Variants in TBC1D9 observed in about 807,000 individuals in gnomAD.
TBC1D9 encodes the protein TBC1 domain family member 9.
A neutral mutation model predicts 132.0 loss-of-function variants in TBC1D9; 63 were observed. The observed-to-expected ratio is 0.48, with a 90% CI of 0.39 to 0.59. The LOEUF (loss-of-function observed/expected upper bound fraction) is 0.59. TBC1D9 is among the 20% of genes least tolerant of loss of function. The pLI is 0.00. For missense variants in TBC1D9, 1,261 were observed against 1,592.7 expected (o/e 0.79, Z 3.54); for synonymous variants, 610 against 609.9 (o/e 1.00, Z 0.00).
At chr4:140,641,068 A>G (rs1189182942) in intron 13 of TBC1D9, among the ~76,000 whole-genome samples, 1 of 142,022 alleles carries the variant, frequency 7.0e-6, no homozygotes, top group African/African-American at 2.7e-5. Context: ...ATATATTTAA[A>G]TCTTACAATC....
intron 2 of TBC1D9, among the ~76,000 whole-genome samples, chr4:140,700,365 G>A (rs949271367): frequency 1.3e-5 from 2 of 151,276 alleles, no homozygotes; most frequent in Admixed American, 1.3e-4. Flanking sequence ...CAGGAGAATC[G>A]CTTGAACCTG....
intron 16 of TBC1D9, among the ~76,000 whole-genome samples, chr4:140,631,572 T>C (rs1239304911): frequency 6.7e-6 from 1 of 149,236 alleles, no homozygotes; most frequent in Non-Finnish European, 1.5e-5. Context: ...TACTGATACA[T>C]GTTTTTCAGA....
chr4:140,644,677 A>T, intron 13 of TBC1D9: 1 of 420,724 alleles, frequency 2.4e-6, no homozygotes, highest in Non-Finnish European at 4.6e-6. Flanking sequence ...CCGCTGCTGC[A>T]GGTACAGGAA....
At chr4:140,746,660 G>A (rs1315072942) in intron 1 of TBC1D9, among the ~76,000 whole-genome samples, 4 of 152,132 alleles carry the variant, frequency 2.6e-5, no homozygotes, top group South Asian at 2.1e-4. Flanking sequence ...ATCCAGCAAA[G>A]AGAGAAATAA....
rs377558463 is a variant in TBC1D9 at position 140,741,155 on chromosome 4, A to C, written c.130+14761T>G. On this transcript the variant is annotated intron_variant, in intron 1 of 20. Transcript: ENST00000442267. ...TTAACATTAAAACAGAGATCTGAAG[A>C]CTTACAAAACAGATTCTTTGTAGGA... Among the ~76,000 whole-genome samples the C allele has an allele frequency of 2.1e-3, 321 of 152,294 alleles. 2 individuals carry two copies. Among genetic ancestry groups the C allele is most frequent in the African/African-American group, 7.0e-3 (291 of 41,562 alleles).
intron 1 of TBC1D9, among the ~76,000 whole-genome samples, chr4:140,750,496 A>G (rs1035330077): frequency 6.6e-6 from 1 of 152,072 alleles, no homozygotes; most frequent in Non-Finnish European, 1.5e-5. Flanking sequence ...ACATCCCAGT[A>G]AAAAAGAAAC....
chr4:140,669,560 A>G, intron 8 of TBC1D9, 74 bp downstream of exon 8: 2 of 1,456,626 alleles, frequency 1.4e-6, no homozygotes. Context: ...GTGTGAATTT[A>G]CTTACAGTAA....
chr4:140,703,577 A>G (rs530608723), intron 1 of TBC1D9, among the ~76,000 whole-genome samples: 1 of 152,296 alleles, frequency 6.6e-6, no homozygotes, highest in East Asian at 1.9e-4. Flanking sequence ...TTCCTGAACC[A>G]GAGTTATTAA....
At chr4:140,644,272 C>CCT (rs1737061732) in intron 13 of TBC1D9, 1 of 299,474 alleles carries the variant, frequency 3.3e-6, no homozygotes, top group Admixed American at 4.6e-5. Context: ...ACCACGTTGT[C>CCT]GGGGGTCTCT....
intron 13 of TBC1D9, chr4:140,643,651 C>T: frequency 9.3e-7 from 1 of 1,080,502 alleles, no homozygotes. Flanking sequence ...TCCACTGGCT[C>T]CTCCTTGGCC....
At chr4:140,643,404 A>AGGG in intron 13 of TBC1D9, 8 of 1,116,492 alleles carry the variant, frequency 7.2e-6, no homozygotes, top group Non-Finnish European at 1.1e-5. Flanking sequence ...GGCCACCTCC[A>AGGG]TGCCAGCCAG....
intron 20 of TBC1D9, 68 bp downstream of exon 20, chr4:140,624,048 T>C (rs576178427): frequency 8.5e-6 from 11 of 1,292,546 alleles, no homozygotes; most frequent in South Asian, 5.4e-5. Flanking sequence ...CATTTATCGA[T>C]GACTTTTCAG....
intron 13 of TBC1D9, among the ~76,000 whole-genome samples, chr4:140,653,481 T>A (rs926415137): frequency 6.6e-6 from 1 of 152,192 alleles, no homozygotes; most frequent in African/African-American, 2.4e-5. Context: ...TCTTAAAATA[T>A]ATGTACTCTT....
chr4:140,629,414 A>G (rs889604633), intron 16 of TBC1D9, among the ~76,000 whole-genome samples: 2 of 152,234 alleles, frequency 1.3e-5, no homozygotes, highest in African/African-American at 2.4e-5. Context: ...AAAATGGTTT[A>G]GAACTACTCC....
At chr4:140,734,282 C>T (rs1303570132) in intron 1 of TBC1D9, among the ~76,000 whole-genome samples, 1 of 152,122 alleles carries the variant, frequency 6.6e-6, no homozygotes, top group Non-Finnish European at 1.5e-5. Context: ...GCACGTGTCA[C>T]CACACTCAGC....
At chr4:140,753,833 A>G (rs1486195099) in intron 1 of TBC1D9, among the ~76,000 whole-genome samples, 2 of 152,236 alleles carry the variant, frequency 1.3e-5, no homozygotes, top group Non-Finnish European at 2.9e-5. Context: ...TAGTGAATGA[A>G]TGAACTTACA....
At position 140,660,810 on chromosome 4, in the gene TBC1D9, C is replaced by T. The variant is rs145355490; in HGVS notation, c.1803+1083G>A. Among the ~76,000 whole-genome samples, 190 of 152,244 alleles carry T rather than the reference C, an allele frequency of 1.2e-3. 2 individuals carry two copies. Among genetic ancestry groups the T allele is most frequent in the African/African-American group, 4.4e-3 (181 of 41,528 alleles). ...AAATAATGCAGTAGAGGGAGACTAA[C>T]GTGTGCATGTACGTGCACTTGTGTG... On this transcript the variant is annotated intron_variant, in intron 10 of 20. Coordinates refer to ENST00000442267, the MANE Select transcript of TBC1D9 (RefSeq NM_015130.3).
In TBC1D9 at chr4:140,643,272, A is replaced by T. The variant is rs1393577760; in HGVS notation, c.2338-3844T>A. ...CTCCAGCTCTGCGATCTCGCTCAGC[A>T]GGGTGATGCCGTGCAGAAAGCTCTG... On this transcript the variant is annotated intron_variant, in intron 13 of 20. Transcript: ENST00000442267. 10 of 1,301,126 alleles carry T rather than the reference A, an allele frequency of 7.7e-6. No homozygotes were observed. The African/African-American group carries it at 1.5e-4, about 19-fold the overall frequency. The allele number at this position is 1,301,126 out of a possible 1,614,324, so 80.6% of individuals were successfully genotyped here.
chr4:140,656,991 G>A, intron 13 of TBC1D9, 106 bp downstream of exon 13: 3 of 1,359,166 alleles, frequency 2.2e-6, no homozygotes, highest in Non-Finnish European at 3.0e-6. Context: ...ATAAATATCT[G>A]TTCTTTGCCC....
Sources: allele counts gnomAD v4.1 joint callset (sites outside exome capture counted in the v4.1 genomes callset), GRCh38; gene constraint gnomAD v4.1.1; transcripts MANE v1.5; gene names NCBI Gene and HGNC (gene_info 2026-07-23, HGNC 2026-07-21).